The following RIC1 variants were observed in gnomAD, a reference collection of about 807,000 sequenced individuals.
The protein encoded by RIC1 is guanine nucleotide exchange factor subunit RIC1.
A neutral mutation model predicts 169.0 loss-of-function variants in RIC1; 88 were observed. That is an observed-to-expected ratio of 0.52 (90% CI 0.44 to 0.62). The LOEUF (loss-of-function observed/expected upper bound fraction) is 0.62, where lower values mean the gene tolerates loss of function less well. Ranked by LOEUF, RIC1 falls within the 20% of genes least tolerant of loss-of-function variation. RIC1 has a pLI of 0.00. For synonymous variants in RIC1, 790 were observed against 601.5 expected (o/e 1.31, Z -4.59); for missense variants, 1,877 against 1,725.5 (o/e 1.09, Z -1.56).
rs145900077 is a variant in RIC1, at chr9:5,747,328, G to C, written c.1275G>C (p.Gln425His). ...GTAACCAAGAGCAGGTGTTGCTTCAGGGTGAGGATCGCTTGTACTTGAACT... is the reference window on the plus strand; with the variant it reads ...GTAACCAAGAGCAGGTGTTGCTTCACGGTGAGGATCGCTTGTACTTGAACT... ...CMSNQEQVLL[Q>H]GEDRLYLNCG... is the part of the protein sequence containing the mutation. The change falls in exon 12 of 26, where the codon CAG (glutamine) becomes CAC (histidine). Residue 425 changes from glutamine to histidine, a missense_variant. Physicochemically the swap from Gln to His is conservative, Grantham distance 24. This residue lies in a region of RIC1 where 1,104 missense variants were observed against 992.0 expected (regional missense o/e 1.11). Transcript: ENST00000414202. 14 of 1,614,052 alleles carry C rather than the reference G, an allele frequency of 8.7e-6. No homozygotes were observed. In the Admixed American group the frequency reaches 1.5e-4, roughly 17 times the overall value.
chr9:5,698,031 A>G (rs908938520), intron 3 of RIC1, among the ~76,000 whole-genome samples: 1 of 152,186 alleles, frequency 6.6e-6, no homozygotes, highest in Non-Finnish European at 1.5e-5. Context: ...TGTTGCAAGG[A>G]AAAACACTAT....
chr9:5,729,129 A>G (rs1010054701), intron 6 of RIC1, among the ~76,000 whole-genome samples: 1 of 152,180 alleles, frequency 6.6e-6, no homozygotes, highest in Non-Finnish European at 1.5e-5. Flanking sequence ...TTTGAGTTAC[A>G]GAAGAGTTAA....
intron 2 of RIC1, among the ~76,000 whole-genome samples, chr9:5,685,959 G>A (rs1163843798): frequency 6.6e-6 from 1 of 151,816 alleles, no homozygotes; most frequent in Non-Finnish European, 1.5e-5. Flanking sequence ...ATCAAAAAGT[G>A]GGCGAAGGAC....
chr9:5,634,426 A>T (rs1817871503), intron 1 of RIC1, among the ~76,000 whole-genome samples: 1 of 152,174 alleles, frequency 6.6e-6, no homozygotes, highest in South Asian at 2.1e-4. Context: ...AGATATCCTA[A>T]CAGGTGTGAG....
chr9:5,680,862 T>A, intron 2 of RIC1, among the ~76,000 whole-genome samples: 1 of 129,078 alleles, frequency 7.7e-6, no homozygotes, highest in Non-Finnish European at 1.6e-5. Context: ...AGTCTCGCTC[T>A]GTCGCCCAGG....
At chr9:5,765,073 T>C (rs1330935618) in intron 19 of RIC1, 1 of 176,392 alleles carries the variant, frequency 5.7e-6, no homozygotes, top group Non-Finnish European at 1.2e-5. Flanking sequence ...TTTTCTTCCT[T>C]TTCTGCTGAT....
At chr9:5,631,842 T>C (rs1372418122) in intron 1 of RIC1, among the ~76,000 whole-genome samples, 1 of 152,226 alleles carries the variant, frequency 6.6e-6, no homozygotes, top group African/African-American at 2.4e-5. Context: ...GTTTTCATTT[T>C]GATTTTCTAA....
chr9:5,657,417 G>A (rs1318375722), intron 2 of RIC1, among the ~76,000 whole-genome samples: 1 of 152,098 alleles, frequency 6.6e-6, no homozygotes, highest in Non-Finnish European at 1.5e-5. Flanking sequence ...CCTATCCGAT[G>A]AGTACAATTG....
intron 2 of RIC1, among the ~76,000 whole-genome samples, chr9:5,675,104 C>T (rs1820361755): frequency 6.6e-6 from 1 of 152,218 alleles, no homozygotes; most frequent in Non-Finnish European, 1.5e-5. Context: ...GTTCTTATCC[C>T]TGACGCACGT....
chr9:5,693,840 C>T (rs1333050722), intron 3 of RIC1, among the ~76,000 whole-genome samples: 2 of 151,722 alleles, frequency 1.3e-5, no homozygotes, highest in Non-Finnish European at 1.5e-5. Flanking sequence ...CCCCCTTCTT[C>T]CTGTCTTTTC....
intron 3 of RIC1, among the ~76,000 whole-genome samples, chr9:5,699,556 C>T (rs1017234589): frequency 1.3e-5 from 2 of 149,722 alleles, no homozygotes; most frequent in Non-Finnish European, 3.0e-5. Flanking sequence ...ATAAAAGCAA[C>T]ATTTTATAAA....
chr9:5,704,877 T>C (rs921316523), intron 3 of RIC1, among the ~76,000 whole-genome samples: 7 of 152,196 alleles, frequency 4.6e-5, no homozygotes, highest in Admixed American at 4.6e-4. Flanking sequence ...CCAACTTAAT[T>C]CTTTCGTAAA....
intron 1 of RIC1, among the ~76,000 whole-genome samples, chr9:5,644,578 G>A (rs895561773): frequency 6.6e-6 from 1 of 152,062 alleles, no homozygotes; most frequent in African/African-American, 2.4e-5. Flanking sequence ...CACACTCTAT[G>A]TCCATGTGGT....
intron 3 of RIC1, among the ~76,000 whole-genome samples, chr9:5,711,059 G>C (rs753618767): frequency 1.3e-5 from 2 of 152,108 alleles, no homozygotes; most frequent in African/African-American, 4.8e-5. Context: ...GATTGAACAG[G>C]TCTACCAGGT....
downstream of RIC1, among the ~76,000 whole-genome samples, chr9:5,777,004 C>A (rs558426930): frequency 2.6e-5 from 4 of 152,190 alleles, no homozygotes; most frequent in East Asian, 7.7e-4. Flanking sequence ...GTGAACTTTT[C>A]TATCTCACTT....
chr9:5,695,531 G>C (rs994210925), intron 3 of RIC1, among the ~76,000 whole-genome samples: 1 of 146,348 alleles, frequency 6.8e-6, no homozygotes, highest in Non-Finnish European at 1.5e-5. Context: ...CACTAGTTCA[G>C]TTTAGGTCTT....
chr9:5,707,022 A>G (rs544830922), intron 3 of RIC1, among the ~76,000 whole-genome samples: 2 of 152,246 alleles, frequency 1.3e-5, no homozygotes, highest in African/African-American at 4.8e-5. Context: ...TTTTCTTAAT[A>G]TAGGCATTTT....
At chr9:5,660,807 C>T (rs7026868) in intron 2 of RIC1, among the ~76,000 whole-genome samples, 71,647 of 151,796 alleles carry the variant, frequency 0.47, 17,393 homozygotes, top group East Asian at 0.59. Flanking sequence ...TGTTTATCTG[C>T]TCACTCCAAT....
At chr9:5,704,575 T>TA (rs1822443028) in intron 3 of RIC1, among the ~76,000 whole-genome samples, 1 of 152,194 alleles carries the variant, frequency 6.6e-6, no homozygotes, top group Non-Finnish European at 1.5e-5. Context: ...ATATTCTGGA[T>TA]ACTACATCCT....
Sources: allele counts gnomAD v4.1 joint callset (sites outside exome capture counted in the v4.1 genomes callset), GRCh38; gene constraint gnomAD v4.1.1; regional missense constraint gnomAD v4.1.1; transcripts MANE v1.5; gene names NCBI Gene and HGNC (gene_info 2026-07-23, HGNC 2026-07-21).